Variants in EYA2 observed in about 807,000 individuals in gnomAD.
EYA2 encodes the protein EYA transcriptional coactivator and phosphatase 2.
In EYA2, 31 loss-of-function variants were observed where a neutral mutation model predicts 69.2. The ratio of observed to expected loss-of-function variants is 0.45; its 90% CI spans 0.34 to 0.60. The LOEUF is 0.60. Ranked by LOEUF, EYA2 falls within the 20% of genes least tolerant of loss-of-function variation. The pLI is 0.02. For missense variants in EYA2, 622 were observed against 701.2 expected, an observed-to-expected ratio of 0.89 and a Z score of 1.28; for synonymous variants, 257 against 279.4, an observed-to-expected ratio of 0.92 and a Z score of 0.80.
At chr20:47,069,050 G>A (rs961317409) in intron 5 of EYA2, among the ~76,000 whole-genome samples, 1 of 152,114 alleles carries the variant, frequency 6.6e-6, no homozygotes, top group Non-Finnish European at 1.5e-5. Flanking sequence ...TCTTAATCTG[G>A]CCTCATCTTA....
At chr20:47,174,197 A>G (rs1568827373) in intron 12 of EYA2, among the ~76,000 whole-genome samples, 1 of 152,296 alleles carries the variant, frequency 6.6e-6, no homozygotes, top group East Asian at 1.9e-4. Flanking sequence ...CATTGGCCCC[A>G]AAAACTTCTA....
chr20:47,023,538 C>G (rs1983882502), intron 5 of EYA2, among the ~76,000 whole-genome samples: 1 of 151,438 alleles, frequency 6.6e-6, no homozygotes, highest in South Asian at 2.1e-4. Context: ...GTTCATAAAT[C>G]TTTTCTTCTG....
intron 5 of EYA2, among the ~76,000 whole-genome samples, chr20:47,041,631 A>G (rs937522625): frequency 9.2e-5 from 14 of 152,170 alleles, no homozygotes; most frequent in Non-Finnish European, 1.8e-4. Flanking sequence ...CAAGGAAGCC[A>G]CTGGCAAATT....
At chr20:47,033,821 T>C (rs185185391) in intron 5 of EYA2, among the ~76,000 whole-genome samples, 539 of 152,346 alleles carry the variant, frequency 3.5e-3, no homozygotes, top group Middle Eastern at 6.8e-3. Flanking sequence ...ACATATAGCA[T>C]GAAAGATAGA....
rs139774002 is a variant in EYA2 at position 47,159,576 on chromosome 20, T to C, written c.979-9563T>C. ...TAATTGACAGTAGTTAACACAGCACTATCTGCTTATTAGTTTTGACAAATG... is the reference window on the plus strand; with the variant it reads ...TAATTGACAGTAGTTAACACAGCACCATCTGCTTATTAGTTTTGACAAATG... On this transcript the variant is annotated intron_variant, in intron 10 of 15. Coordinates refer to ENST00000327619, the MANE Select transcript of EYA2 (RefSeq NM_005244.5). Among the ~76,000 whole-genome samples, 6 of 152,196 alleles carry C rather than the reference T, an allele frequency of 3.9e-5. No homozygotes were observed. The East Asian group carries it at 1.2e-3, about 30-fold the overall frequency.
At chr20:46,930,302 A>G (rs1985612185) in intron 1 of EYA2, among the ~76,000 whole-genome samples, 1 of 152,270 alleles carries the variant, frequency 6.6e-6, no homozygotes, top group African/African-American at 2.4e-5. Context: ...TAATAATTAT[A>G]GCTGCCCTTT....
intron 8 of EYA2, among the ~76,000 whole-genome samples, chr20:47,096,449 A>G (rs2146517443): frequency 6.6e-6 from 1 of 152,330 alleles, no homozygotes; most frequent in East Asian, 1.9e-4. Context: ...GATGTATGGG[A>G]AAAGGTAGGG....
intron 5 of EYA2, 127 bp downstream of exon 5, chr20:47,016,424 G>A (rs776650864): frequency 4.3e-5 from 30 of 690,414 alleles, no homozygotes; most frequent in Non-Finnish European, 7.2e-5. Flanking sequence ...CTCGAGGAGT[G>A]GAGAAAATAG....
At chr20:47,050,511 G>A (rs112814687) in intron 5 of EYA2, among the ~76,000 whole-genome samples, 1,760 of 152,320 alleles carry the variant, frequency 0.012, 32 homozygotes, top group African/African-American at 0.04. Flanking sequence ...ATGAAGATTG[G>A]AAGAGATGAT....
At chr20:47,166,424 A>AAAAT in intron 10 of EYA2, among the ~76,000 whole-genome samples, 1 of 143,496 alleles carries the variant, frequency 7.0e-6, no homozygotes, top group Admixed American at 6.8e-5. Context: ...AAAAAAAAAA[A>AAAAT]AAAAAAAGCT....
chr20:47,187,963 G>A (rs895599879), intron 15 of EYA2, 90 bp from the exon 16 acceptor site: 2 of 1,383,408 alleles, frequency 1.4e-6, no homozygotes, highest in Non-Finnish European at 2.0e-6. Flanking sequence ...ACTTAACTGG[G>A]TTGACTTCTC....
intron 10 of EYA2, among the ~76,000 whole-genome samples, chr20:47,147,054 C>CTTTTTT: frequency 8.9e-6 from 1 of 112,898 alleles, no homozygotes; most frequent in Non-Finnish European, 1.8e-5. Flanking sequence ...GCTCCTCTGA[C>CTTTTTT]TTTTTTTTTT....
rs1473498837 is a variant in EYA2, at chr20:47,015,849, G to A, written c.299-332G>A. On this transcript the variant is annotated intron_variant, in intron 4 of 15. Transcript: ENST00000327619. ...CATGACCTGGGAAACACCTGAATTG[G>A]GAGCCCACAGGGGCAGCTTGTGGTC... 2.0e-5 allele frequency among the ~76,000 whole-genome samples: 3 copies of A among 152,194 alleles called. No homozygotes were observed. The East Asian group carries it at 5.8e-4, about 29-fold the overall frequency.
rs140339364 is a variant in EYA2, at chr20:47,002,671, G to A, written c.155+1198G>A. Among the ~76,000 whole-genome samples, 390 of 152,212 alleles carry A rather than the reference G, an allele frequency of 2.6e-3. 2 individuals are homozygous for A. Among genetic ancestry groups the A allele is most frequent in the African/African-American group, 7.9e-3 (330 of 41,516 alleles). On this transcript the variant is annotated intron_variant, in intron 3 of 15. Transcript: ENST00000327619. ...AAATTGTGCTGCAATGAACATATGC[G>A]TGCATGCATCCTTTCTTCCTCCTCT... is the stretch of plus-strand genomic sequence containing the variant.
intron 9 of EYA2, among the ~76,000 whole-genome samples, chr20:47,097,952 C>T (rs977659474): frequency 2.6e-5 from 4 of 152,156 alleles, no homozygotes; most frequent in Admixed American, 1.3e-4. Context: ...GCTGCTTCCA[C>T]GCATGGGTAG....
intron 8 of EYA2, among the ~76,000 whole-genome samples, chr20:47,091,829 T>C (rs138732053): frequency 1.1e-3 from 173 of 152,280 alleles, no homozygotes; most frequent in Non-Finnish European, 1.9e-3. Flanking sequence ...AAACCAAGTT[T>C]AGAAAGAAAG....
chr20:46,904,165 A>G (rs907027995), intron 1 of EYA2, among the ~76,000 whole-genome samples: 2 of 152,186 alleles, frequency 1.3e-5, no homozygotes, highest in Admixed American at 6.5e-5. Context: ...CGTCCCAGAC[A>G]TCGGAGACAG....
rs187363991 is a variant in EYA2, at chr20:47,118,520, G to A, written c.888+21352G>A. On this transcript the variant is annotated intron_variant, in intron 9 of 15. Transcript: ENST00000327619. ...ATGACATTGTTTGAGGTGTTGGATG[G>A]GGGTGGTACCCTTTGTTGGCTTAAT... Among the ~76,000 whole-genome samples, 886 of 152,048 alleles carry A rather than the reference G, an allele frequency of 5.8e-3. 1 individual carries two copies. Among genetic ancestry groups the A allele is most frequent in the Non-Finnish European group, 8.2e-3 (555 of 68,006 alleles).
intron 7 of EYA2, among the ~76,000 whole-genome samples, chr20:47,077,106 C>A (rs895686331): frequency 1.3e-5 from 2 of 152,234 alleles, no homozygotes; most frequent in Non-Finnish European, 2.9e-5. Context: ...GAGGTGATCA[C>A]CTCAAAAAAC....
Sources: gnomAD v4.1 joint callset for allele counts (sites outside exome capture counted in the v4.1 genomes callset) on GRCh38, gnomAD v4.1.1 for gene constraint, MANE v1.5 for transcripts, NCBI Gene and HGNC (gene_info 2026-07-23, HGNC 2026-07-21) for gene names.